PCDHGA3: variants seen among roughly 807,000 people sequenced by gnomAD.
PCDHGA3 encodes protocadherin gamma-A3.
In PCDHGA3, 40 loss-of-function variants were observed where a neutral mutation model predicts 58.5. The ratio of observed to expected loss-of-function variants is 0.68; its 90% CI spans 0.53 to 0.89. The LOEUF is 0.89. PCDHGA3 is among the 40% of genes least tolerant of loss of function. The probability of loss-of-function intolerance (pLI) is 0.00; values close to 1 mark genes in which losing one functional copy is unlikely to be tolerated. For missense variants in PCDHGA3, 1,223 were observed against 1,195.9 expected (o/e 1.02, Z -0.33); for synonymous variants, 530 against 525.7 (o/e 1.01, Z -0.11).
In PCDHGA3 at chr5:141,375,018, C is replaced by A; in HGVS notation, c.2424+28561C>A. 1.9e-6 allele frequency: 3 copies of A among 1,613,982 alleles called. No individual in the cohort carries two copies. The South Asian group carries it at 3.3e-5, about 18-fold the overall frequency. ...TCTGCAAATCTAGACTATGAGGACTCGAGTTTTTATGAGCTGGGTGTTGAA... is the reference window on the plus strand; with the variant it reads ...TCTGCAAATCTAGACTATGAGGACTAGAGTTTTTATGAGCTGGGTGTTGAA... On this transcript the variant is annotated intron_variant, in intron 1 of 3. Transcript: ENST00000253812.
chr5:141,397,012 A>C (rs944352237), intron 1 of PCDHGA3, among the ~76,000 whole-genome samples: 2 of 152,260 alleles, frequency 1.3e-5, no homozygotes, highest in African/African-American at 4.8e-5. Flanking sequence ...AATGGACTAA[A>C]GAAGGTTGAC....
At chr5:141,460,134 T>TCAAAGA in intron 1 of PCDHGA3, among the ~76,000 whole-genome samples, 1 of 152,066 alleles carries the variant, frequency 6.6e-6, no homozygotes, top group South Asian at 2.1e-4. Flanking sequence ...AATATATATA[T>TCAAAGA]TCTTGATGTG....
intron 1 of PCDHGA3, chr5:141,478,182 AT>A: frequency 6.2e-7 from 1 of 1,613,984 alleles, no homozygotes. Context: ...CAGAAAAAAA[AT>A]CTCACCTTTT....
intron 1 of PCDHGA3, chr5:141,399,805 T>G (rs776266997): frequency 6.2e-7 from 1 of 1,613,192 alleles, no homozygotes; most frequent in Admixed American, 1.7e-5. Context: ...GCGGGTGCTG[T>G]ACCCCGCGCT....
intron 1 of PCDHGA3, chr5:141,355,804 C>G: frequency 6.2e-7 from 1 of 1,613,356 alleles, no homozygotes; most frequent in Non-Finnish European, 8.5e-7. Flanking sequence ...CGCTCTAGAT[C>G]GCGAGGAAGA....
Position 141,490,318 on chromosome 5 carries a change from C to T in PCDHGA3, c.2425-4489C>T. ...ATTGGCCTCTTTGGCCAACCCTGTCCTAGAGAGCACACCAGTGGGCACAGT... is the reference window on the plus strand; with the variant it reads ...ATTGGCCTCTTTGGCCAACCCTGTCTTAGAGAGCACACCAGTGGGCACAGT... On this transcript the variant is annotated intron_variant, in intron 1 of 3. Transcript: ENST00000253812. The surrounding 1 kb of genome is among the most constrained non-coding windows in gnomAD (Gnocchi z 5.4). 1 of 1,614,220 alleles carries T rather than the reference C, an allele frequency of 6.2e-7. No homozygotes were observed.
intron 1 of PCDHGA3, chr5:141,355,812 A>G (rs777935984): frequency 1.2e-6 from 2 of 1,613,288 alleles, no homozygotes; most frequent in South Asian, 2.2e-5. Context: ...ATCGCGAGGA[A>G]GAGGCGGTTC....
chr5:141,385,526 G>C (rs1265906180), intron 1 of PCDHGA3: 1 of 1,352,594 alleles, frequency 7.4e-7, no homozygotes, highest in East Asian at 2.7e-5. Context: ...CTATGGACAA[G>C]ATTATGAATA....
chr5:141,419,117 G>T (rs1362880648), intron 1 of PCDHGA3: 1 of 1,613,718 alleles, frequency 6.2e-7, no homozygotes, highest in African/African-American at 1.3e-5. Context: ...AGAGTACAAC[G>T]TCACCATCGC....
At chr5:141,422,394 C>T (rs898242724) in intron 1 of PCDHGA3, 1 of 1,595,520 alleles carries the variant, frequency 6.3e-7, no homozygotes, top group Non-Finnish European at 8.5e-7. Context: ...TTATTCCTAA[C>T]CACCTGCCTT....
rs1259326427 is a variant in PCDHGA3, at chr5:141,344,556, A to G, written c.523A>G (p.Asn175Asp). 4 of 1,613,886 alleles carry G rather than the reference A, an allele frequency of 2.5e-6. No homozygotes were observed. Among genetic ancestry groups the G allele is most frequent in the Non-Finnish European group, 3.4e-6 (4 of 1,179,908 alleles). ...CCTGCAGAACTACAAGCTTAGCCCCAATGACTACTTCTCTCTGGCTGTGAA... is the reference window on the plus strand; with the variant it reads ...CCTGCAGAACTACAAGCTTAGCCCCGATGACTACTTCTCTCTGGCTGTGAA... ...NSLQNYKLSP[N>D]DYFSLAVNSV... Residue 175 changes from asparagine (N) to aspartate (D), a missense_variant, in exon 1 of 4, where the codon AAT becomes GAT. Asn to Asp is a conservative substitution (Grantham distance 23). This residue lies in a region of PCDHGA3 where 791 missense variants were observed against 708.5 expected (regional missense o/e 1.12). Transcript: ENST00000253812.
At chr5:141,375,722 T>TCA (rs1339196797) in intron 1 of PCDHGA3, 5 of 1,614,260 alleles carry the variant, frequency 3.1e-6, no homozygotes, top group African/African-American at 2.7e-5. Context: ...CAGCAACGTG[T>TCA]CACTGAGCCT....
rs375573264 is a variant in PCDHGA3, at chr5:141,350,231, A to G, written c.2424+3774A>G. On this transcript the variant is annotated intron_variant, in intron 1 of 3. Coordinates refer to ENST00000253812, the MANE Select transcript of PCDHGA3 (RefSeq NM_018916.4). ...CATTTCTTTTTGAAAAACATCCCAG[A>G]GGAAAGAAGCTCCGCGGAGAGTTCC... 2,492 of 1,501,598 alleles carry G rather than the reference A, an allele frequency of 1.7e-3. 7 individuals are homozygous for G. Among genetic ancestry groups the G allele is most frequent in the Non-Finnish European group, 2.0e-3 (2,284 of 1,127,078 alleles). 93.0% of individuals were successfully genotyped at this position (1,501,598 alleles called of 1,614,324 possible).
chr5:141,400,728 T>G (rs1293655070), intron 1 of PCDHGA3: 2 of 648,072 alleles, frequency 3.1e-6, no homozygotes, highest in Non-Finnish European at 5.2e-6. Flanking sequence ...ATTTACAAAG[T>G]AGTGAGAGTT....
chr5:141,352,300 C>A (rs1333992954), intron 1 of PCDHGA3: 2 of 1,613,972 alleles, frequency 1.2e-6, no homozygotes, highest in Non-Finnish European at 1.7e-6. Context: ...CCTCTGACCC[C>A]CAGACGGAAC....
intron 1 of PCDHGA3, chr5:141,394,415 C>G: frequency 6.2e-7 from 1 of 1,614,242 alleles, no homozygotes; most frequent in Non-Finnish European, 8.5e-7. Flanking sequence ...TGGTAACAGC[C>G]AGCGACAGCG....
rs145897132 is a variant in PCDHGA3, at chr5:141,395,374, T to C, written c.2424+48917T>C. The stretch of plus-strand genomic sequence containing the variant: ...CAGAGTTTTGGGTTTATTTTGGTGG[T>C]GTTACTATAAAATTGAACTCTAATA... On this transcript the variant is annotated intron_variant, in intron 1 of 3. Coordinates refer to ENST00000253812, the MANE Select transcript of PCDHGA3 (RefSeq NM_018916.4). 327 of 1,187,896 alleles carry C rather than the reference T, an allele frequency of 2.8e-4. 1 individual carries two copies. The African/African-American group carries it at 4.3e-3, about 16-fold the overall frequency. The allele number at this position is 1,187,896 out of a possible 1,614,324, so 73.6% of individuals were successfully genotyped here.
At chr5:141,470,034 C>T (rs1209263598) in intron 1 of PCDHGA3, among the ~76,000 whole-genome samples, 2 of 152,086 alleles carry the variant, frequency 1.3e-5, no homozygotes, top group Non-Finnish European at 2.9e-5. Flanking sequence ...GATGCTGAGG[C>T]GCGAGAACTG....
intron 1 of PCDHGA3, among the ~76,000 whole-genome samples, chr5:141,481,693 C>T (rs755007426): frequency 1.8e-4 from 27 of 152,020 alleles, no homozygotes; most frequent in Admixed American, 7.9e-4. Context: ...GTGGCTCACG[C>T]CTGTAATCCC....
Sources: allele counts gnomAD v4.1 joint callset (sites outside exome capture counted in the v4.1 genomes callset), GRCh38; gene constraint gnomAD v4.1.1; regional missense constraint gnomAD v4.1.1; non-coding constraint Gnocchi (gnomAD v3.1); transcripts MANE v1.5; gene names NCBI Gene and HGNC (gene_info 2026-07-23, HGNC 2026-07-21).